The following TRAF3IP1 variants were observed in gnomAD, a reference collection of about 807,000 sequenced individuals.
The protein encoded by TRAF3IP1 is intraflagellar transport 54, also known as TRAF3-interacting protein 1.
Under a neutral mutation model 89.9 loss-of-function variants are expected in TRAF3IP1, and 53 were observed. The observed-to-expected ratio is 0.59, with a 90% CI of 0.47 to 0.74. The LOEUF (loss-of-function observed/expected upper bound fraction) is 0.74. Among genes scored for constraint, TRAF3IP1 ranks in the 30% least tolerant of loss-of-function variants. TRAF3IP1 has a pLI of 0.00. For missense variants in TRAF3IP1, 806 were observed against 866.1 expected (o/e 0.93, Z 0.87); for synonymous variants, 311 against 322.1 (o/e 0.97, Z 0.37).
intron 15 of TRAF3IP1, among the ~76,000 whole-genome samples, chr2:238,394,039 A>T (rs1701107192): frequency 6.6e-6 from 1 of 152,108 alleles, no homozygotes; most frequent in Admixed American, 6.6e-5. Flanking sequence ...TGTCTACTAA[A>T]ACAAAAATTA....
At chr2:238,344,702 G>T (rs1045306876) in intron 9 of TRAF3IP1, 104 bp downstream of exon 9, 3 of 948,670 alleles carry the variant, frequency 3.2e-6, no homozygotes, top group South Asian at 1.3e-5. Context: ...TTTCCTCTTG[G>T]GTCTGAACGT....
chr2:238,388,187 C>A (rs886915021), intron 15 of TRAF3IP1, among the ~76,000 whole-genome samples: 5 of 151,960 alleles, frequency 3.3e-5, no homozygotes, highest in Non-Finnish European at 7.4e-5. Flanking sequence ...CTAGCCTGGT[C>A]AACATGGTGA....
At position 238,393,312 on chromosome 2, in the gene TRAF3IP1, T is replaced by G. The variant is rs556672340; in HGVS notation, c.1690-4147T>G. Among the ~76,000 whole-genome samples the G allele has an allele frequency of 2.6e-5, 4 of 152,358 alleles. No homozygotes were observed. The East Asian group carries it at 7.7e-4, about 29-fold the overall frequency. On this transcript the variant is annotated intron_variant, in intron 15 of 16. Transcript: ENST00000373327. ...TAATGATTTCAAACATATTTTCATG[T>G]GTGTGTTGGCCATCCTTATATCTTC...
At chr2:238,396,435 C>T (rs965286002) in intron 15 of TRAF3IP1, among the ~76,000 whole-genome samples, 5 of 149,714 alleles carry the variant, frequency 3.3e-5, no homozygotes, top group African/African-American at 7.4e-5. Flanking sequence ...TGTTAAATGA[C>T]GAGTTAATGG....
chr2:238,387,606 A>C (rs188154440), intron 15 of TRAF3IP1, among the ~76,000 whole-genome samples: 1 of 152,184 alleles, frequency 6.6e-6, no homozygotes, highest in African/African-American at 2.4e-5. Flanking sequence ...GCTCATCTCT[A>C]TTGGGACATA....
At position 238,352,961 on chromosome 2, in the gene TRAF3IP1, C is replaced by A; in HGVS notation, c.1575+11C>A. On this transcript the variant is annotated intron_variant, in intron 13 of 16. Transcript: ENST00000373327. ...TCAGAAATTGAAATGGTTAGTTAACCGAAATATGATGTTTTTTAATAATAA... is the reference window on the plus strand; with the variant it reads ...TCAGAAATTGAAATGGTTAGTTAACAGAAATATGATGTTTTTTAATAATAA... The A allele has an allele frequency of 6.2e-7, 1 of 1,602,218 alleles. No individual in the cohort carries two copies. Among genetic ancestry groups the A allele is most frequent in the Non-Finnish European group, 8.5e-7 (1 of 1,176,046 alleles).
intron 7 of TRAF3IP1, among the ~76,000 whole-genome samples, 169 bp from the exon 8 acceptor site, chr2:238,338,193 T>C (rs1022788721): frequency 6.6e-6 from 1 of 152,168 alleles, no homozygotes; most frequent in Non-Finnish European, 1.5e-5. Flanking sequence ...GGGCTTCTTG[T>C]CAAGCTCTAA....
intron 10 of TRAF3IP1, among the ~76,000 whole-genome samples, chr2:238,348,218 C>G (rs1574921984): frequency 6.6e-6 from 1 of 150,418 alleles, no homozygotes. Context: ...AAAAAAAGAA[C>G]AAAAATTAAA....
At chr2:238,368,619 T>C (rs1459713860) in intron 15 of TRAF3IP1, among the ~76,000 whole-genome samples, 1 of 152,050 alleles carries the variant, frequency 6.6e-6, no homozygotes, top group Non-Finnish European at 1.5e-5. Context: ...TTAAATCCCT[T>C]AAAGAAAAAA....
In TRAF3IP1 at chr2:238,390,894, T is replaced by C. The variant is rs1233356761; in HGVS notation, c.1690-6565T>C. ...GGGTCCTGCTGCCCCCGAATCCTCC[T>C]ATGGTCTAGGTGGTTTTAGGTCATA... On this transcript the variant is annotated intron_variant, in intron 15 of 16. Transcript: ENST00000373327. 2.0e-5 allele frequency among the ~76,000 whole-genome samples: 3 copies of C among 152,218 alleles called. No homozygotes were observed. In the East Asian group the frequency reaches 5.8e-4, roughly 29 times the overall value.
chr2:238,353,495 T>A (rs1331961151), intron 14 of TRAF3IP1, among the ~76,000 whole-genome samples: 2 of 152,156 alleles, frequency 1.3e-5, no homozygotes, highest in Non-Finnish European at 2.9e-5. Context: ...TTCCGTACGA[T>A]TAAATTGTGG....
intron 15 of TRAF3IP1, among the ~76,000 whole-genome samples, chr2:238,370,260 CATGTCTATGTGA>C (rs1347809886): frequency 3.0e-4 from 44 of 147,086 alleles, no homozygotes; most frequent in Admixed American, 2.2e-3. Flanking sequence ...TATGTGTGTG[CATGTCTATGTGA>C]ATGTCTGTGT....
Position 238,398,984 on chromosome 2 carries a change from C to T in TRAF3IP1, c.*65C>T, listed in dbSNP as rs1701364395. ...AAAAGCAAAAAGGAAGATAGAAAAT[C>T]ATTACTCTTTTAAGTTCCAGTTTGC... On this transcript the variant is annotated 3_prime_UTR_variant, in exon 17 of 17. Transcript: ENST00000373327. The T allele has an allele frequency of 2.1e-6, 3 of 1,413,786 alleles. No individual in the cohort carries two copies. Among genetic ancestry groups the T allele is most frequent in the Non-Finnish European group, 2.9e-6 (3 of 1,041,518 alleles). 87.6% of individuals were successfully genotyped at this position (1,413,786 alleles called of 1,614,324 possible).
At position 238,345,159 on chromosome 2, in the gene TRAF3IP1, C is replaced by T. The variant is rs1008426731; in HGVS notation, c.1261+561C>T. On this transcript the variant is annotated intron_variant, in intron 9 of 16. Transcript: ENST00000373327. The surrounding 1 kb of genome is among the most constrained non-coding windows in gnomAD (Gnocchi z 4.7). Reference sequence around the variant, plus strand: ...TAACCAAGGCTTGTGCAGGTGGCAGCGGCAGGGTGGGGTGTGGCCAGGGGA... The same window carrying T: ...TAACCAAGGCTTGTGCAGGTGGCAGTGGCAGGGTGGGGTGTGGCCAGGGGA... Among the ~76,000 whole-genome samples, 3 of 152,142 alleles carry T rather than the reference C, an allele frequency of 2.0e-5. No homozygotes were observed. Among genetic ancestry groups the T allele is most frequent in the Non-Finnish European group, 4.4e-5 (3 of 68,026 alleles).
chr2:238,348,151 T>C (rs1002701276), intron 10 of TRAF3IP1, among the ~76,000 whole-genome samples: 10 of 152,066 alleles, frequency 6.6e-5, no homozygotes, highest in Non-Finnish European at 1.3e-4. Flanking sequence ...AAGAAAACTT[T>C]GTTCAGATTA....
intron 15 of TRAF3IP1, among the ~76,000 whole-genome samples, chr2:238,362,014 A>G (rs971087724): frequency 5.3e-5 from 8 of 152,142 alleles, no homozygotes; most frequent in Admixed American, 1.3e-4. Context: ...TGCCCTCGGC[A>G]GGGTCACCTG....
rs755327010 is a variant in TRAF3IP1 at position 238,352,827 on chromosome 2, G to A, written c.1452G>A (p.Arg484=). The change falls in exon 13 of 17, where the codon AGG becomes AGA. Residue 484 remains arginine, a splice_region_variant and synonymous_variant. Coordinates refer to ENST00000373327, the MANE Select transcript of TRAF3IP1 (RefSeq NM_015650.4). ...TTTAATCTAATTTCTTTTTATTTAG[G>A]TCAGGGAGTGGTAAAACCGTTTCAA... ...QDSMEALQMD[R]SGSGKTVSNV... is the part of the protein sequence containing the mutation. 2.5e-6 allele frequency: 4 copies of A among 1,605,996 alleles called. No individual in the cohort carries two copies. The highest frequency in any genetic ancestry group is 3.4e-6 in the Non-Finnish European group (4 of 1,177,618).
intron 15 of TRAF3IP1, among the ~76,000 whole-genome samples, chr2:238,359,161 G>GTACTT (rs1366596127): frequency 0.01 from 1,576 of 152,338 alleles, 34 homozygotes; most frequent in African/African-American, 0.036. Flanking sequence ...TGCTGTGCCA[G>GTACTT]GAAGTACACA....
intron 15 of TRAF3IP1, among the ~76,000 whole-genome samples, chr2:238,381,133 A>ATT (rs1700531062): frequency 7.9e-6 from 1 of 126,416 alleles, no homozygotes; most frequent in African/African-American, 2.7e-5. Context: ...TTAATTATTT[A>ATT]TTTATTTATT....
Sources: gnomAD v4.1 joint callset for allele counts (sites outside exome capture counted in the v4.1 genomes callset) on GRCh38, gnomAD v4.1.1 for gene constraint, Gnocchi (gnomAD v3.1) non-coding constraint, MANE v1.5 for transcripts, NCBI Gene and HGNC (gene_info 2026-07-23, HGNC 2026-07-21) for gene names.